Variants in ZNF879 observed in about 807,000 individuals in gnomAD.
ZNF879 encodes zinc finger protein 879.
A neutral mutation model predicts 44.3 loss-of-function variants in ZNF879; 32 were observed. The observed-to-expected ratio is 0.72, with a 90% CI of 0.54 to 0.97. The LOEUF (loss-of-function observed/expected upper bound fraction) is 0.97, where lower values mean the gene tolerates loss of function less well. Ranked by LOEUF, ZNF879 falls within the 50% of genes least tolerant of loss-of-function variation. The probability of loss-of-function intolerance (pLI) is 0.00; values close to 1 mark genes in which losing one functional copy is unlikely to be tolerated. For synonymous variants in ZNF879, 234 were observed against 233.2 expected (o/e 1.00, Z -0.03); for missense variants, 621 against 669.7 (o/e 0.93, Z 0.80).
Position 179,027,547 on chromosome 5 carries a change from A to G in ZNF879, c.108A>G (p.Arg36=). 1.2e-6 allele frequency: 2 copies of G among 1,614,072 alleles called. No individual in the cohort carries two copies. The highest frequency in any genetic ancestry group is 1.7e-6 in the Non-Finnish European group (2 of 1,180,022). ...GGTTGCACCTGGACTCTGCCCAGAG[A>G]GCCTTGTACCGGGAGGTGATGCTGG... ...DEWLHLDSAQ[R]ALYREVMLEN... is the part of the protein sequence containing the mutation. Residue 36 remains arginine, a synonymous_variant, in exon 3 of 5, where the codon AGA becomes AGG. Coordinates refer to ENST00000444149, the MANE Select transcript of ZNF879 (RefSeq NM_001136116.3).
rs540558001 is a variant in ZNF879, at chr5:179,025,220, T to C, written c.33+183T>C. Among the ~76,000 whole-genome samples the C allele has an allele frequency of 1.8e-3, 271 of 152,114 alleles. 1 individual carries two copies. Among genetic ancestry groups the C allele is most frequent in the African/African-American group, 6.1e-3 (255 of 41,486 alleles). ...AGAGCCTGTCTCATGCTTTTTTTTTTTTTTCTTTCCCTTTTTTGAGACAGG... is the reference window on the plus strand; with the variant it reads ...AGAGCCTGTCTCATGCTTTTTTTTTCTTTTCTTTCCCTTTTTTGAGACAGG... On this transcript the variant is annotated intron_variant, in intron 2 of 4. Transcript: ENST00000444149.
At chr5:179,028,619 G>C (rs1581100023) in intron 4 of ZNF879, among the ~76,000 whole-genome samples, 1 of 152,246 alleles carries the variant, frequency 6.6e-6, no homozygotes, top group East Asian at 1.9e-4. Context: ...ATGAAAGAGG[G>C]AAAGAAGGTG....
Position 179,033,254 on chromosome 5 carries a change from G to C in ZNF879, c.1306G>C (p.Ala436Pro). The stretch of plus-strand genomic sequence containing the variant: ...CTACAAATGTAATGAATGTGGGAAA[G>C]CCTTCTCTTGGATTTCACGGCTTAA... ...KPYKCNECGKAFSWISRLNIH... is the reference protein window; with the variant it reads ...KPYKCNECGKPFSWISRLNIH... The change falls in exon 5 of 5, where the codon GCC becomes CCC. Residue 436 changes from alanine (A) to proline (P), a missense_variant. Ala to Pro is a conservative substitution (Grantham distance 27). Transcript: ENST00000444149. The C allele has an allele frequency of 6.3e-7, 1 of 1,588,352 alleles. No homozygotes were observed. Among genetic ancestry groups the C allele is most frequent in the Non-Finnish European group, 8.6e-7 (1 of 1,167,118 alleles).
At chr5:179,029,177 A>G (rs1023303143) in intron 4 of ZNF879, among the ~76,000 whole-genome samples, 3 of 151,190 alleles carry the variant, frequency 2.0e-5, no homozygotes, top group African/African-American at 7.3e-5. Context: ...GCTGACAAAT[A>G]ATCCCATTAG....
rs756576159 is a variant in ZNF879, at chr5:179,033,372, G to A, written c.1424G>A (p.Arg475Gln). ...FSSHSGVNTH[R>Q]KIHTGEKPYK... ...TCCCACTCAGGCGTTAATACTCATC[G>A]AAAAATTCATACTGGAGAAAAACCT... is the stretch of plus-strand genomic sequence containing the variant. The change falls in exon 5 of 5, where the codon CGA (arginine) becomes CAA (glutamine). Residue 475 changes from arginine (R) to glutamine (Q), a missense_variant. By Grantham distance (43) the Arg-to-Gln change is conservative. Coordinates refer to ENST00000444149, the MANE Select transcript of ZNF879 (RefSeq NM_001136116.3). The A allele has an allele frequency of 4.4e-5, 68 of 1,559,202 alleles. 2 individuals carry two copies. In the South Asian group the frequency reaches 5.4e-4, roughly 12 times the overall value.
intron 4 of ZNF879, among the ~76,000 whole-genome samples, chr5:179,029,964 T>G (rs1761377869): frequency 6.6e-6 from 1 of 152,214 alleles, no homozygotes; most frequent in African/African-American, 2.4e-5. Flanking sequence ...TTACTAATAT[T>G]GCTAAGATGG....
intron 4 of ZNF879, among the ~76,000 whole-genome samples, chr5:179,029,100 GTT>G (rs35623143): frequency 7.4e-5 from 5 of 67,174 alleles, no homozygotes; most frequent in Admixed American, 1.4e-4. Flanking sequence ...TCTGGCATCT[GTT>G]TTTTTTTTTT....
At chr5:179,031,703 C>T (rs1237669806) in intron 4 of ZNF879, among the ~76,000 whole-genome samples, 6 of 152,184 alleles carry the variant, frequency 3.9e-5, no homozygotes, top group Non-Finnish European at 7.3e-5. Flanking sequence ...AGAGTCTTAA[C>T]GTTTGCGTAG....
intron 2 of ZNF879, among the ~76,000 whole-genome samples, chr5:179,025,752 A>C (rs1052173930): frequency 6.6e-6 from 1 of 152,168 alleles, no homozygotes. Flanking sequence ...CCCGGTCTCT[A>C]CTAAAAATAC....
intron 4 of ZNF879, among the ~76,000 whole-genome samples, chr5:179,029,443 A>G (rs1309225813): frequency 6.6e-6 from 1 of 152,132 alleles, no homozygotes; most frequent in African/African-American, 2.4e-5. Context: ...AAGAGTAGTG[A>G]TACAATAAAA....
intron 1 of ZNF879, among the ~76,000 whole-genome samples, chr5:179,024,176 G>A (rs1403594694): frequency 6.6e-6 from 1 of 152,212 alleles, no homozygotes; most frequent in East Asian, 1.9e-4. Context: ...GCAAAATGCC[G>A]CCTCGGTTCA....
intron 4 of ZNF879, among the ~76,000 whole-genome samples, chr5:179,030,388 G>T (rs1223042751): frequency 6.6e-6 from 1 of 152,190 alleles, no homozygotes; most frequent in African/African-American, 2.4e-5. Flanking sequence ...ATAACATGAG[G>T]CATCACTGCC....
chr5:179,025,716 A>G (rs1181872721), intron 2 of ZNF879, among the ~76,000 whole-genome samples: 1 of 152,152 alleles, frequency 6.6e-6, no homozygotes, highest in Non-Finnish European at 1.5e-5. Context: ...CAGAAGTTCA[A>G]GACCAGCCTG....
At chr5:179,028,766 G>A (rs148607218) in intron 4 of ZNF879, among the ~76,000 whole-genome samples, 330 of 152,006 alleles carry the variant, frequency 2.2e-3, no homozygotes, top group Non-Finnish European at 3.5e-3. Flanking sequence ...TTCCCTATAC[G>A]CCCTTGGATG....
Position 179,033,231 on chromosome 5 carries a change from A to G in ZNF879, c.1283A>G (p.Tyr428Cys). 1 of 1,593,992 alleles carries G rather than the reference A, an allele frequency of 6.3e-7. No individual in the cohort carries two copies. The highest frequency in any genetic ancestry group is 8.5e-7 in the Non-Finnish European group (1 of 1,169,948). ...AGAATTCACACTGGAGAAAAACCCT[A>G]CAAATGTAATGAATGTGGGAAAGCC... ...HQRIHTGEKP[Y>C]KCNECGKAFS... Residue 428 changes from tyrosine to cysteine, a missense_variant, in exon 5 of 5, where the codon TAC (tyrosine) becomes TGC (cysteine). By Grantham distance (194) the Tyr-to-Cys change is radical. Transcript: ENST00000444149.
Position 179,032,796 on chromosome 5 carries a change from C to G in ZNF879, c.848C>G (p.Thr283Ser). The change falls in exon 5 of 5, where the codon ACT becomes AGT. Residue 283 changes from threonine to serine, a missense_variant. Thr to Ser is a moderately conservative substitution (Grantham distance 58). Coordinates refer to ENST00000444149, the MANE Select transcript of ZNF879 (RefSeq NM_001136116.3). ...TSLIGHQRMH[T>S]GERPYKCKEC... ...CTTATTGGACACCAGAGAATGCATA[C>G]TGGAGAGAGACCTTATAAATGCAAG... 1.9e-6 allele frequency: 3 copies of G among 1,554,418 alleles called. No homozygotes were observed. The highest frequency in any genetic ancestry group is 2.6e-6 in the Non-Finnish European group (3 of 1,148,712).
intron 4 of ZNF879, among the ~76,000 whole-genome samples, chr5:179,031,636 T>G (rs927442151): frequency 6.6e-5 from 10 of 152,260 alleles, no homozygotes; most frequent in African/African-American, 1.4e-4. Context: ...TGTATCACAC[T>G]GCTGGAATGA....
In ZNF879 at chr5:179,034,841, G is replaced by A. The variant is rs1404821472; in HGVS notation, c.*1201G>A. 1.3e-5 allele frequency: 2 copies of A among 152,064 alleles called. No homozygotes were observed. The highest frequency in any genetic ancestry group is 2.1e-4 in the South Asian group (1 of 4,824). 9.4% of individuals were successfully genotyped at this position (152,064 alleles called of 1,614,324 possible). A position where few individuals can be genotyped will look rare whatever the true frequency, so the allele number is the denominator to read the frequency against. ...TAGTTTAGCCAAGTTTATCAGGAGGGGGCAAGCACTTAAGGGCTGAAACGA... is the reference window on the plus strand; with the variant it reads ...TAGTTTAGCCAAGTTTATCAGGAGGAGGCAAGCACTTAAGGGCTGAAACGA... On this transcript the variant is annotated 3_prime_UTR_variant, in exon 5 of 5. Transcript: ENST00000444149.
rs774135316 is a variant in ZNF879 at position 179,027,561 on chromosome 5, A to G, written c.122A>G (p.Glu41Gly). 3.7e-6 allele frequency: 6 copies of G among 1,614,062 alleles called. No individual in the cohort carries two copies. Among genetic ancestry groups the G allele is most frequent in the South Asian group, 1.1e-5 (1 of 91,068 alleles). The change falls in exon 3 of 5, where the codon GAG becomes GGG. Residue 41 changes from glutamate to glycine, a missense_variant. Glu to Gly is a moderately conservative substitution (Grantham distance 98). Transcript: ENST00000444149. The part of the protein sequence containing the change: ...LDSAQRALYR[E>G]VMLENYSILV... ...TCTGCCCAGAGAGCCTTGTACCGGGAGGTGATGCTGGAGAACTACAGCATC... is the reference window on the plus strand; with the variant it reads ...TCTGCCCAGAGAGCCTTGTACCGGGGGGTGATGCTGGAGAACTACAGCATC...
Sources: gnomAD v4.1 joint callset for allele counts (sites outside exome capture counted in the v4.1 genomes callset) on GRCh38, gnomAD v4.1.1 for gene constraint, MANE v1.5 for transcripts, NCBI Gene and HGNC (gene_info 2026-07-23, HGNC 2026-07-21) for gene names.